The following PCDHGA5 variants were observed in gnomAD, a reference collection of about 807,000 sequenced individuals.
PCDHGA5 encodes protocadherin gamma-A5.
A neutral mutation model predicts 56.7 loss-of-function variants in PCDHGA5; 36 were observed. The observed-to-expected ratio is 0.64, with a 90% CI of 0.49 to 0.84. PCDHGA5 has a LOEUF of 0.84. Ranked by LOEUF, PCDHGA5 falls within the 40% of genes least tolerant of loss-of-function variation. The probability of loss-of-function intolerance (pLI) is 0.00; values close to 1 mark genes in which losing one functional copy is unlikely to be tolerated. For synonymous variants in PCDHGA5, 563 were observed against 520.2 expected, an observed-to-expected ratio of 1.08 and a Z score of -1.12; for missense variants, 1,305 against 1,201.5, an observed-to-expected ratio of 1.09 and a Z score of -1.27.
chr5:141,384,386 T>A (rs1208791457), intron 1 of PCDHGA5: 1 of 1,613,954 alleles, frequency 6.2e-7, no homozygotes, highest in South Asian at 1.1e-5. Flanking sequence ...GAAGACACCA[T>A]CCAGGGGGCT....
intron 1 of PCDHGA5, among the ~76,000 whole-genome samples, chr5:141,453,823 G>A (rs2154564414): frequency 6.6e-6 from 1 of 152,250 alleles, no homozygotes; most frequent in South Asian, 2.1e-4. Flanking sequence ...GACAAACTTG[G>A]CTGCTAGCCC....
At chr5:141,374,810 A>G in intron 1 of PCDHGA5, 1 of 1,613,952 alleles carries the variant, frequency 6.2e-7, no homozygotes, top group Non-Finnish European at 8.5e-7. Context: ...TCCAATGTTT[A>G]CTCAGCCTGT....
chr5:141,374,602 T>C, intron 1 of PCDHGA5: 2 of 1,613,652 alleles, frequency 1.2e-6, no homozygotes, highest in Non-Finnish European at 1.7e-6. Flanking sequence ...TTAAGCTCAG[T>C]GGTAATAGTC....
intron 2 of PCDHGA5, among the ~76,000 whole-genome samples, chr5:141,502,238 T>A (rs2099813398): frequency 6.6e-6 from 1 of 152,204 alleles, no homozygotes; most frequent in Non-Finnish European, 1.5e-5. Flanking sequence ...TGTGTTCTTT[T>A]ATCCTTTTTT....
intron 1 of PCDHGA5, among the ~76,000 whole-genome samples, chr5:141,407,131 T>C (rs1164616354): frequency 6.6e-6 from 1 of 152,226 alleles, no homozygotes; most frequent in African/African-American, 2.4e-5. Context: ...TGCTTTATTT[T>C]TAAGAAAAAA....
chr5:141,475,870 C>CAGTT, intron 1 of PCDHGA5: 1 of 511,190 alleles, frequency 2.0e-6, no homozygotes, highest in East Asian at 3.3e-5. Context: ...ATTCTTCGTG[C>CAGTT]AGTTATTGGC....
At chr5:141,393,101 C>T (rs891971324) in intron 1 of PCDHGA5, 2 of 1,613,564 alleles carry the variant, frequency 1.2e-6, no homozygotes, top group Non-Finnish European at 1.7e-6. Flanking sequence ...AGGAGCTCTG[C>T]GCTCAGAGCC....
intron 1 of PCDHGA5, chr5:141,421,025 A>G: frequency 5.7e-6 from 3 of 526,286 alleles, no homozygotes; most frequent in East Asian, 3.2e-5. Context: ...GCTGCGCGCC[A>G]TTGAGTCCCT....
chr5:141,504,836 C>A (rs550489904), intron 2 of PCDHGA5, among the ~76,000 whole-genome samples: 2 of 152,200 alleles, frequency 1.3e-5, no homozygotes, highest in East Asian at 3.9e-4. Context: ...TTTTCTCTAG[C>A]TCTGGAACAT....
At chr5:141,494,999 G>T in intron 2 of PCDHGA5, 134 bp downstream of exon 2, 1 of 1,531,046 alleles carries the variant, frequency 6.5e-7, no homozygotes, top group Non-Finnish European at 8.8e-7. Context: ...GGGAGGTCTT[G>T]GTGTGCGGGG....
rs2099735960 is a variant in PCDHGA5 at position 141,491,997 on chromosome 5, G to A, written c.2422-2810G>A. On this transcript the variant is annotated intron_variant, in intron 1 of 3. Transcript: ENST00000518069. The surrounding 1 kb of genome is among the most constrained non-coding windows in gnomAD (Gnocchi z 6.9). ...CCTTCGAGCTTCCGGTGAATTTCGG[G>A]CGATTTCCGCGGGTGTCGGGGGTCC... The A allele has an allele frequency of 1.5e-6, 1 of 671,074 alleles. No homozygotes were observed. The allele number at this position is 671,074 out of a possible 1,614,324, so 41.6% of individuals were successfully genotyped here.
rs369637121 is a variant in PCDHGA5 at position 141,388,619 on chromosome 5, C to G, written c.2421+21868C>G. ...ATAATGCTCCAGTGTTCAGTCAAGA[C>G]GTATACAGGGTGAGCCTTTCAGAAA... On this transcript the variant is annotated intron_variant, in intron 1 of 3. Transcript: ENST00000518069. 18 of 1,613,852 alleles carry G rather than the reference C, an allele frequency of 1.1e-5. No individual in the cohort carries two copies. The African/African-American group carries it at 1.7e-4, about 16-fold the overall frequency.
In PCDHGA5 at chr5:141,512,443, CCTT is replaced by C. The variant is rs1263805618; in HGVS notation, c.*1272_*1274del. On this transcript the variant is annotated 3_prime_UTR_variant, in exon 4 of 4. Coordinates refer to ENST00000518069, the MANE Select transcript of PCDHGA5 (RefSeq NM_018918.3). ...GCCCCTGCCCTCCTGAAGCCTCAGT[CCTT>C]CACCTTGCCAGGTGCCGTTTCTCTT... The C allele has an allele frequency of 1.3e-5, 2 of 152,896 alleles. No homozygotes were observed. The highest frequency in any genetic ancestry group is 4.8e-5 in the African/African-American group (2 of 41,468). 9.5% of individuals were successfully genotyped at this position (152,896 alleles called of 1,614,324 possible).
At position 141,485,727 on chromosome 5, in the gene PCDHGA5, G is replaced by T. The variant is rs773176318; in HGVS notation, c.2422-9080G>T. The T allele has an allele frequency of 3.1e-6, 5 of 1,614,196 alleles. No homozygotes were observed. In the Admixed American group the frequency reaches 5.0e-5, roughly 16 times the overall value. Reference sequence around the variant, plus strand: ...CACTTTGCACTGGATGTGAAGAAGCGCAGCGACGGCAGCCTGGTCCCAGAG... The same window carrying T: ...CACTTTGCACTGGATGTGAAGAAGCTCAGCGACGGCAGCCTGGTCCCAGAG... On this transcript the variant is annotated intron_variant, in intron 1 of 3. Transcript: ENST00000518069. The surrounding 1 kb of genome is among the most constrained non-coding windows in gnomAD (Gnocchi z 5.7).
intron 2 of PCDHGA5, among the ~76,000 whole-genome samples, chr5:141,499,445 C>A (rs904360147): frequency 1.3e-5 from 2 of 152,062 alleles, no homozygotes; most frequent in African/African-American, 4.8e-5. Flanking sequence ...AAAGGAAAAC[C>A]ACCCATCATT....
At chr5:141,394,364 G>A (rs1293513120) in intron 1 of PCDHGA5, 1 of 1,614,186 alleles carries the variant, frequency 6.2e-7, no homozygotes. Flanking sequence ...TGTATGCGCT[G>A]CAATCTTTCG....
At chr5:141,471,932 A>T (rs1015576042) in intron 1 of PCDHGA5, among the ~76,000 whole-genome samples, 1 of 152,158 alleles carries the variant, frequency 6.6e-6, no homozygotes, top group Non-Finnish European at 1.5e-5. Context: ...GGGGGTGATG[A>T]GAGTTTTCTA....
chr5:141,387,984 C>T (rs1470979893), intron 1 of PCDHGA5: 2 of 1,485,580 alleles, frequency 1.3e-6, no homozygotes. Flanking sequence ...TGAGCAGATC[C>T]GCTACAGGAT....
chr5:141,417,899 C>G lies in PCDHGA5; in HGVS notation c.2421+51148C>G, dbSNP rs781294504. On this transcript the variant is annotated intron_variant, in intron 1 of 3. Transcript: ENST00000518069. ...CGCGCAGAGGCGCCGGGCCGGCCCG[C>G]GGCAGGTACTATTTCCTTTGCTGCT... 2.0e-5 allele frequency: 31 copies of G among 1,581,354 alleles called. 2 individuals carry two copies. In the South Asian group the frequency reaches 3.4e-4, roughly 17 times the overall value.
Sources: allele counts gnomAD v4.1 joint callset (sites outside exome capture counted in the v4.1 genomes callset), GRCh38; gene constraint gnomAD v4.1.1; non-coding constraint Gnocchi (gnomAD v3.1); transcripts MANE v1.5; gene names NCBI Gene and HGNC (gene_info 2026-07-23, HGNC 2026-07-21).